The following RSPRY1 variants were observed in gnomAD, a reference collection of about 807,000 sequenced individuals.
RSPRY1 encodes RING finger and SPRY domain-containing protein 1.
A neutral mutation model predicts 73.1 loss-of-function variants in RSPRY1; 23 were observed. The ratio of observed to expected loss-of-function variants is 0.31; its 90% CI spans 0.23 to 0.45. The LOEUF is 0.45. RSPRY1 is among the 20% of genes least tolerant of loss of function. RSPRY1 has a pLI of 1.00. For synonymous variants in RSPRY1, 226 were observed against 251.4 expected, an observed-to-expected ratio of 0.90 and a Z score of 0.95; for missense variants, 448 against 698.7, an observed-to-expected ratio of 0.64 and a Z score of 4.05.
intron 10 of RSPRY1, among the ~76,000 whole-genome samples, chr16:57,223,382 G>T (rs1055034100): frequency 9.9e-5 from 15 of 152,224 alleles, no homozygotes; most frequent in African/African-American, 3.4e-4. Flanking sequence ...GGATAGTTCT[G>T]TTCAGGTAAC....
chr16:57,222,715 A>G (rs1363210942), intron 10 of RSPRY1, among the ~76,000 whole-genome samples: 1 of 152,224 alleles, frequency 6.6e-6, no homozygotes, highest in Non-Finnish European at 1.5e-5. Context: ...AAAAATGGGG[A>G]AAATCTCAGA....
intron 13 of RSPRY1, among the ~76,000 whole-genome samples, chr16:57,231,988 G>A (rs554315802): frequency 1.3e-5 from 2 of 152,350 alleles, no homozygotes; most frequent in East Asian, 3.9e-4. Context: ...GACTCCAGCT[G>A]CTTCCTGGTA....
chr16:57,187,522 C>T lies in RSPRY1; in HGVS notation c.-156+1071C>T, dbSNP rs146402880. The stretch of plus-strand genomic sequence containing the variant: ...TTCTTGCTTAGTGGAGTGACTTAAC[C>T]TCCTTAAGTCTCTACTGTAAAATAA... On this transcript the variant is annotated intron_variant, in intron 1 of 14. Coordinates refer to ENST00000394420, the MANE Select transcript of RSPRY1 (RefSeq NM_133368.3). 1.3e-4 allele frequency among the ~76,000 whole-genome samples: 20 copies of T among 150,160 alleles called. No individual in the cohort carries two copies. In the East Asian group the frequency reaches 3.9e-3, roughly 29 times the overall value.
At chr16:57,187,675 G>A (rs148576370) in intron 1 of RSPRY1, among the ~76,000 whole-genome samples, 44 of 152,330 alleles carry the variant, frequency 2.9e-4, no homozygotes, top group African/African-American at 8.9e-4. Flanking sequence ...GTAGTATGTA[G>A]AGGTAAGGGG....
chr16:57,199,913 C>CT (rs1315067392), intron 1 of RSPRY1, among the ~76,000 whole-genome samples: 795 of 72,170 alleles, frequency 0.011, 10 homozygotes, highest in African/African-American at 0.034. Context: ...TTTTCTTTTT[C>CT]TTTTTTTTTT....
At chr16:57,190,700 T>C (rs2074338027) in intron 1 of RSPRY1, among the ~76,000 whole-genome samples, 1 of 152,204 alleles carries the variant, frequency 6.6e-6, no homozygotes, top group Admixed American at 6.5e-5. Context: ...CTTTTAGAAG[T>C]GCAAAGGAGT....
Position 57,239,171 on chromosome 16 carries a change from A to T in RSPRY1, c.*196A>T. ...TAATCCAACTTGCCAGCCCTGAGAA[A>T]ATCCCTTTTAAGGCCAAGGAAAGCT... On this transcript the variant is annotated 3_prime_UTR_variant, in exon 15 of 15. Coordinates refer to ENST00000394420, the MANE Select transcript of RSPRY1 (RefSeq NM_133368.3). 1 of 330,256 alleles carries T rather than the reference A, an allele frequency of 3.0e-6. No individual in the cohort carries two copies. Among genetic ancestry groups the T allele is most frequent in the Middle Eastern group, 8.6e-4 (1 of 1,162 alleles). The allele number at this position is 330,256 out of a possible 1,614,324, so 20.5% of individuals were successfully genotyped here. A position where few individuals can be genotyped will look rare whatever the true frequency, so the allele number is the denominator to read the frequency against.
Position 57,238,997 on chromosome 16 carries a change from G to A in RSPRY1, c.*22G>A, listed in dbSNP as rs777336301. On this transcript the variant is annotated 3_prime_UTR_variant, in exon 15 of 15. Transcript: ENST00000394420. ...ATGACACATGTGAAGAGGCATCGTG[G>A]ACTTTTTTCTACTCAATTCCAGCCA... The A allele has an allele frequency of 4.5e-6, 6 of 1,332,546 alleles. No homozygotes were observed. Among genetic ancestry groups the A allele is most frequent in the Admixed American group, 1.9e-5 (1 of 51,964 alleles). The allele number at this position is 1,332,546 out of a possible 1,614,324, so 82.5% of individuals were successfully genotyped here. A position where few individuals can be genotyped will look rare whatever the true frequency, so the allele number is the denominator to read the frequency against.
chr16:57,225,318 T>C (rs1396188019), intron 10 of RSPRY1, among the ~76,000 whole-genome samples: 1 of 152,226 alleles, frequency 6.6e-6, no homozygotes, highest in Non-Finnish European at 1.5e-5. Flanking sequence ...CCCAAAGTGC[T>C]GAAATTACAG....
chr16:57,201,061 A>AC (rs1272436880), intron 1 of RSPRY1, among the ~76,000 whole-genome samples: 1 of 134,648 alleles, frequency 7.4e-6, no homozygotes, highest in Non-Finnish European at 1.6e-5. Flanking sequence ...CGGGGGGCTG[A>AC]CCCCCACCTC....
At chr16:57,199,013 A>C (rs369138781) in intron 1 of RSPRY1, among the ~76,000 whole-genome samples, 1 of 152,234 alleles carries the variant, frequency 6.6e-6, no homozygotes, top group African/African-American at 2.4e-5. Flanking sequence ...TACCATCCCC[A>C]AAGTGTTAGT....
chr16:57,202,907 T>C (rs1395294886), intron 1 of RSPRY1, among the ~76,000 whole-genome samples: 4 of 142,294 alleles, frequency 2.8e-5, no homozygotes, highest in Non-Finnish European at 4.6e-5. Flanking sequence ...TATATATATA[T>C]CTGAAGACTT....
intron 14 of RSPRY1, among the ~76,000 whole-genome samples, chr16:57,237,948 A>C (rs2075325305): frequency 1.3e-5 from 2 of 152,192 alleles, no homozygotes; most frequent in South Asian, 4.1e-4. Context: ...CATAGGAAGC[A>C]TTTCAAGAGA....
chr16:57,225,947 G>A (rs1450919558), intron 10 of RSPRY1, among the ~76,000 whole-genome samples: 14 of 152,158 alleles, frequency 9.2e-5, no homozygotes, highest in African/African-American at 1.4e-4. Flanking sequence ...GCCTGGTGGC[G>A]CATGCCTATA....
intron 1 of RSPRY1, among the ~76,000 whole-genome samples, chr16:57,188,585 C>T (rs2074293850): frequency 6.6e-6 from 1 of 152,128 alleles, no homozygotes; most frequent in Non-Finnish European, 1.5e-5. Context: ...GGCGCTATCT[C>T]GGCTCACTGC....
intron 13 of RSPRY1, among the ~76,000 whole-genome samples, chr16:57,232,098 C>T (rs576658522): frequency 1.4e-4 from 22 of 152,324 alleles, no homozygotes; most frequent in African/African-American, 5.1e-4. Context: ...ACTAATACCA[C>T]ATATCTTATA....
chr16:57,213,162 CT>C, intron 5 of RSPRY1, 64 bp downstream of exon 5: 1 of 1,500,496 alleles, frequency 6.7e-7, no homozygotes, highest in Non-Finnish European at 9.1e-7. Flanking sequence ...GAAATTTGTA[CT>C]GTATGTCTTT....
At chr16:57,231,973 G>T (rs1226894158) in intron 13 of RSPRY1, among the ~76,000 whole-genome samples, 2 of 152,182 alleles carry the variant, frequency 1.3e-5, no homozygotes, top group African/African-American at 4.8e-5. Flanking sequence ...CTTAGGCTGG[G>T]GAAAGACTCC....
chr16:57,229,115 C>G (rs778484186), intron 11 of RSPRY1, among the ~76,000 whole-genome samples: 26 of 152,176 alleles, frequency 1.7e-4, no homozygotes, highest in Non-Finnish European at 3.1e-4. Context: ...TCATTATAGA[C>G]CATTCTGGAT....
Sources: gnomAD v4.1 joint callset for allele counts (sites outside exome capture counted in the v4.1 genomes callset) on GRCh38, gnomAD v4.1.1 for gene constraint, MANE v1.5 for transcripts, NCBI Gene and HGNC (gene_info 2026-07-23, HGNC 2026-07-21) for gene names.